The following STPG2 variants were observed in gnomAD, a reference collection of about 807,000 sequenced individuals.
The protein encoded by STPG2 is sperm-tail PG-rich repeat-containing protein 2.
A neutral mutation model predicts 54.2 loss-of-function variants in STPG2; 56 were observed. The ratio of observed to expected loss-of-function variants is 1.03; its 90% confidence interval spans 0.83 to 1.29. The LOEUF (loss-of-function observed/expected upper bound fraction) is 1.29. STPG2 is among the 50% of genes most tolerant of loss of function. STPG2 has a pLI of 0.00. For missense variants in STPG2, 596 were observed against 544.9 expected (o/e 1.09, Z -0.93); for synonymous variants, 200 against 181.8 (o/e 1.10, Z -0.81).
At chr4:97,934,913 ATTGT>A (rs1213259167) in intron 8 of STPG2, among the ~76,000 whole-genome samples, 3 of 152,176 alleles carry the variant, frequency 2.0e-5, no homozygotes, top group Non-Finnish European at 2.9e-5. Context: ...GTTGTTTGGA[ATTGT>A]TTTAGAAGAA....
intron 9 of STPG2, among the ~76,000 whole-genome samples, chr4:97,750,010 A>T (rs1279351780): frequency 6.6e-6 from 1 of 151,844 alleles, no homozygotes; most frequent in South Asian, 2.1e-4. Context: ...TTATTTTCTC[A>T]GGTTAAAGCC....
intron 4 of STPG2, among the ~76,000 whole-genome samples, chr4:97,507,108 T>C (rs1206982804): frequency 1.3e-5 from 2 of 152,112 alleles, no homozygotes. Flanking sequence ...GGAGGATGAC[T>C]TGAGCCCAAG....
intron 5 of STPG2, among the ~76,000 whole-genome samples, chr4:98,030,341 G>A (rs1002246725): frequency 2.6e-5 from 4 of 152,094 alleles, no homozygotes; most frequent in African/African-American, 9.7e-5. Context: ...CTACTCCTGA[G>A]TCTTCCAAGT....
rs879860167 is a variant in STPG2, at chr4:97,792,632, TTC to T, written c.1204+48139_1204+48140del. 2.5e-3 allele frequency among the ~76,000 whole-genome samples: 376 copies of T among 152,226 alleles called. 3 individuals are homozygous for T. The East Asian group carries it at 0.033, about 13-fold the overall frequency. On this transcript the variant is annotated intron_variant, in intron 9 of 10. Transcript: ENST00000295268. ...GTCTACTCAAAACCCTCTAAAAGCCTTCCATCCCACTGTGAAGCAAGGCCTAC... is the reference window on the plus strand; with the variant it reads ...GTCTACTCAAAACCCTCTAAAAGCCTCATCCCACTGTGAAGCAAGGCCTAC...
intron 10 of STPG2, among the ~76,000 whole-genome samples, chr4:97,575,032 T>C (rs909098621): frequency 1.4e-4 from 21 of 151,496 alleles, no homozygotes; most frequent in Admixed American, 1.2e-3. Flanking sequence ...AACTAGACAA[T>C]TCAGAAAAAA....
chr4:97,751,746 T>C (rs1460388157), intron 9 of STPG2, among the ~76,000 whole-genome samples: 1 of 151,702 alleles, frequency 6.6e-6, no homozygotes, highest in Non-Finnish European at 1.5e-5. Flanking sequence ...TCAGATATGC[T>C]CAGTAAATGG....
At position 97,566,457 on chromosome 4, in the gene STPG2, C is replaced by T. The variant is rs186974666; in HGVS notation, c.1321-7340G>A. 8.0e-3 allele frequency among the ~76,000 whole-genome samples: 1,214 copies of T among 152,298 alleles called. 16 individuals are homozygous for T. Among genetic ancestry groups the T allele is most frequent in the Non-Finnish European group, 7.5e-3 (513 of 68,028 alleles). On this transcript the variant is annotated intron_variant, in intron 10 of 10. Coordinates refer to ENST00000295268, the MANE Select transcript of STPG2 (RefSeq NM_174952.3). ...TGCTGCACCCACTGTCCTGCGCCCA[C>T]TGTCTGGCACTCCCTAGTGAGACGA...
At chr4:97,999,469 G>A (rs950470253) in intron 5 of STPG2, among the ~76,000 whole-genome samples, 2 of 151,968 alleles carry the variant, frequency 1.3e-5, no homozygotes, top group East Asian at 1.9e-4. Context: ...TTGGGAGGCC[G>A]AGGTGGGCAG....
rs185471144 is a variant in STPG2 at position 97,800,168 on chromosome 4, T to G, written c.1204+40605A>C. ...CGGAGTACTTTGATCGTCTGAAGCC[T>G]TCTTCTCTCAACTCGTCAAAGTCAT... is the stretch of plus-strand genomic sequence containing the variant. On this transcript the variant is annotated intron_variant, in intron 9 of 10. Transcript: ENST00000295268. 4.4e-3 allele frequency among the ~76,000 whole-genome samples: 664 copies of G among 152,352 alleles called. 3 individuals carry two copies. The highest frequency in any genetic ancestry group is 0.024 in the South Asian group (115 of 4,824).
intron 5 of STPG2, among the ~76,000 whole-genome samples, chr4:98,038,294 A>G (rs970478415): frequency 1.3e-5 from 2 of 152,134 alleles, no homozygotes; most frequent in Non-Finnish European, 2.9e-5. Context: ...AGTATAGGGG[A>G]TCTTAGTCCA....
At chr4:97,498,230 CT>C (rs1384120515) in intron 4 of STPG2, among the ~76,000 whole-genome samples, 1 of 151,864 alleles carries the variant, frequency 6.6e-6, no homozygotes, top group African/African-American at 2.4e-5. Context: ...GCAAACCATG[CT>C]GACCACCTTT....
intron 4 of STPG2, among the ~76,000 whole-genome samples, chr4:97,508,596 A>G (rs1007210624): frequency 6.6e-6 from 1 of 152,138 alleles, no homozygotes; most frequent in Admixed American, 6.6e-5. Flanking sequence ...AATATTAATT[A>G]TTAATTCAGT....
intron 9 of STPG2, among the ~76,000 whole-genome samples, chr4:97,781,459 A>T (rs147795300): frequency 0.087 from 13,172 of 152,242 alleles, 726 homozygotes; most frequent in South Asian, 0.21. Flanking sequence ...AACCAAAAAA[A>T]GTCCAGGACC....
intron 3 of STPG2, among the ~76,000 whole-genome samples, chr4:98,125,542 C>A (rs1231009758): frequency 1.1e-5 from 1 of 92,082 alleles, no homozygotes; most frequent in East Asian, 3.3e-4. Context: ...ATGCTCTTTC[C>A]TCTAGAAGCT....
At chr4:97,941,140 T>C (rs992805916) in intron 8 of STPG2, among the ~76,000 whole-genome samples, 3 of 152,140 alleles carry the variant, frequency 2.0e-5, no homozygotes, top group Admixed American at 6.6e-5. Context: ...TCTCCTAGCC[T>C]TGAAATGCGG....
At chr4:98,108,001 TA>T in intron 4 of STPG2, among the ~76,000 whole-genome samples, 1 of 152,126 alleles carries the variant, frequency 6.6e-6, no homozygotes, top group East Asian at 1.9e-4. Context: ...AGAATAAAAA[TA>T]CAAAGGTATA....
At chr4:97,495,962 G>GT (rs1207064236) in intron 4 of STPG2, among the ~76,000 whole-genome samples, 3 of 151,496 alleles carry the variant, frequency 2.0e-5, no homozygotes, top group African/African-American at 4.8e-5. Context: ...AGAAAGAAAT[G>GT]TTTTTTGTGC....
At chr4:97,887,419 C>G (rs1730618996) in intron 8 of STPG2, among the ~76,000 whole-genome samples, 1 of 152,078 alleles carries the variant, frequency 6.6e-6, no homozygotes, top group Non-Finnish European at 1.5e-5. Flanking sequence ...TTCGTTATGC[C>G]TTAGAAAAGA....
intron 10 of STPG2, among the ~76,000 whole-genome samples, chr4:97,705,958 C>T (rs183548782): frequency 7.2e-4 from 109 of 152,112 alleles, no homozygotes; most frequent in Non-Finnish European, 5.9e-5. Context: ...ATATCAAGTA[C>T]TGTAATACAT....
Sources: allele counts gnomAD v4.1 joint callset (sites outside exome capture counted in the v4.1 genomes callset), GRCh38; gene constraint gnomAD v4.1.1; transcripts MANE v1.5; gene names NCBI Gene and HGNC (gene_info 2026-07-23, HGNC 2026-07-21).